The following MYO18B variants were observed in gnomAD, a reference collection of about 807,000 sequenced individuals.
The protein encoded by MYO18B is myosin XVIIIB, also known as unconventional myosin-XVIIIb.
Under a neutral mutation model 273.0 loss-of-function variants are expected in MYO18B, and 204 were observed. The observed-to-expected ratio is 0.75, with a 90% CI of 0.67 to 0.84. The LOEUF is 0.84. Ranked by LOEUF, MYO18B falls within the 40% of genes least tolerant of loss-of-function variation. The probability of loss-of-function intolerance (pLI) is 0.00; values close to 1 mark genes in which losing one functional copy is unlikely to be tolerated. For missense variants in MYO18B, 3,212 were observed against 3,287.6 expected, an observed-to-expected ratio of 0.98 and a Z score of 0.56; for synonymous variants, 1,330 against 1,305.7, an observed-to-expected ratio of 1.02 and a Z score of -0.40.
intron 1 of MYO18B, among the ~76,000 whole-genome samples, chr22:25,744,324 A>G (rs981004052): frequency 1.3e-5 from 2 of 152,200 alleles, no homozygotes; most frequent in African/African-American, 4.8e-5. Flanking sequence ...CTGTGAGCCT[A>G]CAAGGCTATG....
At chr22:25,770,303 T>C in intron 5 of MYO18B, 127 bp downstream of exon 5, 1 of 841,064 alleles carries the variant, frequency 1.2e-6, no homozygotes, top group Non-Finnish European at 1.9e-6. Flanking sequence ...CAGTGGAGAC[T>C]GTCTTTCAAA....
chr22:25,978,895 C>T (rs547396364), intron 39 of MYO18B, among the ~76,000 whole-genome samples: 14 of 152,176 alleles, frequency 9.2e-5, no homozygotes, highest in East Asian at 3.9e-4. Flanking sequence ...TGCAGTGAGC[C>T]GAGATTGCTT....
At chr22:25,942,476 C>A (rs1352652751) in intron 34 of MYO18B, among the ~76,000 whole-genome samples, 2 of 152,174 alleles carry the variant, frequency 1.3e-5, no homozygotes, top group African/African-American at 4.8e-5. Context: ...TATTTTGATC[C>A]ATTCCGTCTG....
chr22:26,029,296 T>C (rs1936527550), intron 43 of MYO18B, among the ~76,000 whole-genome samples: 1 of 152,072 alleles, frequency 6.6e-6, no homozygotes. Flanking sequence ...CCCCCAGGCC[T>C]CCTTGACCCA....
intron 39 of MYO18B, among the ~76,000 whole-genome samples, chr22:25,966,056 A>G (rs915146209): frequency 6.6e-6 from 1 of 152,192 alleles, no homozygotes; most frequent in South Asian, 2.1e-4. Flanking sequence ...AATAGATGCA[A>G]TCACATCTCC....
intron 34 of MYO18B, among the ~76,000 whole-genome samples, chr22:25,943,017 G>A (rs1222414372): frequency 1.3e-5 from 2 of 152,102 alleles, no homozygotes; most frequent in African/African-American, 4.8e-5. Context: ...GGACTGGCGG[G>A]ATCATGCTGC....
At chr22:25,952,999 G>A (rs928222916) in intron 38 of MYO18B, among the ~76,000 whole-genome samples, 2 of 152,248 alleles carry the variant, frequency 1.3e-5, no homozygotes, top group Non-Finnish European at 2.9e-5. Flanking sequence ...AGAGAGGGCT[G>A]TGATGTTTAG....
At chr22:25,997,673 A>G (rs1166628201) in intron 40 of MYO18B, among the ~76,000 whole-genome samples, 1 of 152,196 alleles carries the variant, frequency 6.6e-6, no homozygotes, top group Non-Finnish European at 1.5e-5. Flanking sequence ...TCACAGTGCA[A>G]TTAAATTGGT....
rs772941490 is a variant in MYO18B, at chr22:25,835,392, G to T, written c.3157G>T (p.Val1053Leu). The T allele has an allele frequency of 1.2e-6, 2 of 1,613,902 alleles. No homozygotes were observed. The highest frequency in any genetic ancestry group is 2.7e-5 in the African/African-American group (2 of 74,926). The change falls in exon 17 of 44, where the codon GTG becomes TTG. Residue 1053 changes from valine to leucine, a missense_variant. Transcript: ENST00000335473. ...VHVEGSSDSV[V>L]LERLCAAFEK... is the part of the protein sequence containing the mutation. Reference sequence around the variant, plus strand: ...TGTAGAGGGCTCCAGTGACAGTGTGGTGCTCGAGCGTCTGTGTGCTGCTTT... The same window carrying T: ...TGTAGAGGGCTCCAGTGACAGTGTGTTGCTCGAGCGTCTGTGTGCTGCTTT...
chr22:25,949,650 A>G (rs1355088763), intron 36 of MYO18B, among the ~76,000 whole-genome samples: 2 of 152,214 alleles, frequency 1.3e-5, no homozygotes, highest in East Asian at 1.9e-4. Context: ...CATGGTAACA[A>G]ACACCACAAA....
chr22:25,923,297 G>A (rs189327836), intron 34 of MYO18B, among the ~76,000 whole-genome samples: 26 of 152,294 alleles, frequency 1.7e-4, no homozygotes, highest in Admixed American at 1.3e-3. Flanking sequence ...ATCCTGACTT[G>A]TCTGAGACTT....
At chr22:26,060,693 TACATACATACACACATGCAC>T in the MYO18B span, among the ~76,000 whole-genome samples, 1 of 151,900 alleles carries the variant, frequency 6.6e-6, no homozygotes, top group Admixed American at 6.6e-5. Context: ...CACACATATG[TACATACATACACACATGCAC>T]ACATACATAT....
chr22:25,919,249 A>G (rs1345600570), intron 33 of MYO18B, among the ~76,000 whole-genome samples: 1 of 151,976 alleles, frequency 6.6e-6, no homozygotes, highest in Non-Finnish European at 1.5e-5. Flanking sequence ...CCCCCATAAT[A>G]TATATTTTTT....
intron 28 of MYO18B, chr22:25,897,496 A>G (rs1177314978): frequency 1.3e-5 from 2 of 152,244 alleles, no homozygotes; most frequent in Non-Finnish European, 2.9e-5. Context: ...CAGTTCTTTA[A>G]TAACAAATTA....
At chr22:25,849,165 G>A (rs1286777391) in intron 20 of MYO18B, among the ~76,000 whole-genome samples, 6 of 152,220 alleles carry the variant, frequency 3.9e-5, no homozygotes, top group Admixed American at 3.9e-4. Flanking sequence ...GGCACCATGG[G>A]CCTGGGTCAG....
In MYO18B at chr22:25,760,078, C is replaced by T. The variant is rs1411281198; in HGVS notation, c.-109-906C>T. 3.3e-5 allele frequency among the ~76,000 whole-genome samples: 5 copies of T among 152,214 alleles called. No homozygotes were observed. The East Asian group carries it at 9.7e-4, about 29-fold the overall frequency. On this transcript the variant is annotated intron_variant, in intron 1 of 43. Coordinates refer to ENST00000335473, the MANE Select transcript of MYO18B (RefSeq NM_032608.7). Reference sequence around the variant, plus strand: ...CTTCCAACTATGGAACCAAGTATTCCCTTCACAAAGAAAACCCATGATTCA... The same window carrying T: ...CTTCCAACTATGGAACCAAGTATTCTCTTCACAAAGAAAACCCATGATTCA...
chr22:25,891,381 G>T lies in MYO18B; in HGVS notation c.4512G>T (p.Leu1504Phe). Residue 1504 changes from leucine (L) to phenylalanine (F), a missense_variant, in exon 27 of 44, where the codon TTG becomes TTT. Transcript: ENST00000335473. ...QLEEAQQKIQ[L>F]NDLERNPTGG... ...AAGAAGCCCAGCAGAAAATTCAGTTGAATGACTTGGAAAGGAATCCCACTG... is the reference window on the plus strand; with the variant it reads ...AAGAAGCCCAGCAGAAAATTCAGTTTAATGACTTGGAAAGGAATCCCACTG... 1 of 1,584,106 alleles carries T rather than the reference G, an allele frequency of 6.3e-7. No individual in the cohort carries two copies. Among genetic ancestry groups the T allele is most frequent in the East Asian group, 2.3e-5 (1 of 43,456 alleles).
chr22:25,869,268 G>A (rs1197959365), intron 22 of MYO18B, among the ~76,000 whole-genome samples: 1 of 152,090 alleles, frequency 6.6e-6, no homozygotes, highest in African/African-American at 2.4e-5. Context: ...GGCCAACATG[G>A]TGAAACCCCC....
chr22:25,977,915 T>C (rs577276462), intron 39 of MYO18B, among the ~76,000 whole-genome samples: 1 of 152,162 alleles, frequency 6.6e-6, no homozygotes, highest in Non-Finnish European at 1.5e-5. Context: ...TGGGGTCACG[T>C]TGCAAATGGT....
Sources: gnomAD v4.1 joint callset for allele counts (sites outside exome capture counted in the v4.1 genomes callset) on GRCh38, gnomAD v4.1.1 for gene constraint, MANE v1.5 for transcripts, NCBI Gene and HGNC (gene_info 2026-07-23, HGNC 2026-07-21) for gene names.